Variants in CSGALNACT1 observed in about 807,000 individuals in gnomAD.
The protein encoded by CSGALNACT1 is chondroitin sulfate N-acetylgalactosaminyltransferase 1, also known as beta4GalNAcT-1.
In CSGALNACT1, 52 loss-of-function variants were observed where a neutral mutation model predicts 51.0. That is an observed-to-expected ratio of 1.02 (90% confidence interval 0.82 to 1.29). The LOEUF (loss-of-function observed/expected upper bound fraction) is 1.29. Ranked by LOEUF, CSGALNACT1 falls within the 50% of genes most tolerant of loss-of-function variation. The pLI is 0.00. For missense variants in CSGALNACT1, 935 were observed against 679.2 expected, an observed-to-expected ratio of 1.38 and a Z score of -4.19; for synonymous variants, 341 against 254.4, an observed-to-expected ratio of 1.34 and a Z score of -3.24.
intron 1 of CSGALNACT1, among the ~76,000 whole-genome samples, chr8:19,755,947 C>T (rs1255362324): frequency 6.6e-6 from 1 of 152,120 alleles, no homozygotes; most frequent in Non-Finnish European, 1.5e-5. Context: ...TAGGAATTGA[C>T]CATCTTCCGG....
chr8:19,405,942 C>G (rs1436676956), exon 10 of CSGALNACT1: 10 of 1,614,190 alleles, frequency 6.2e-6, no homozygotes, highest in Non-Finnish European at 8.5e-6. Context: ...CCATGCAGCG[C>G]TTCTCATGCC....
intron 3 of CSGALNACT1, among the ~76,000 whole-genome samples, chr8:19,520,992 C>A (rs937299623): frequency 6.6e-6 from 1 of 152,178 alleles, no homozygotes; most frequent in African/African-American, 2.4e-5. Flanking sequence ...TGAGGAAAAG[C>A]ACTGATAGGT....
chr8:19,573,142 C>T (rs1455427016), intron 3 of CSGALNACT1, among the ~76,000 whole-genome samples: 1 of 152,170 alleles, frequency 6.6e-6, no homozygotes, highest in African/African-American at 2.4e-5. Flanking sequence ...ACTTTGATCT[C>T]AAGACATGAA....
chr8:19,682,940 A>G (rs2060736875), upstream of CSGALNACT1: 2 of 319,282 alleles, frequency 6.3e-6, no homozygotes, highest in Admixed American at 4.0e-5. Flanking sequence ...GTACTTATCC[A>G]TCGCTAGTTC....
At chr8:19,566,505 T>A (rs1461106352) in intron 3 of CSGALNACT1, among the ~76,000 whole-genome samples, 1 of 152,236 alleles carries the variant, frequency 6.6e-6, no homozygotes. Context: ...ACACGCACAC[T>A]TAATGGACTG....
chr8:19,587,638 C>T (rs1180606630), intron 3 of CSGALNACT1, among the ~76,000 whole-genome samples: 1 of 152,142 alleles, frequency 6.6e-6, no homozygotes, highest in African/African-American at 2.4e-5. Context: ...CTATAAGTAC[C>T]TTATTACATA....
At position 19,514,450 on chromosome 8, in the gene CSGALNACT1, G is replaced by C. The variant is rs145039851; in HGVS notation, c.-296-8320C>G. On this transcript the variant is annotated intron_variant, in intron 3 of 9. Coordinates refer to ENST00000454498, the Ensembl canonical transcript of CSGALNACT1. Reference sequence around the variant, plus strand: ...ATTAAACAAAAATAGCACATTTCAGGCATCATATGACTTTTGAACAGAGAC... The same window carrying C: ...ATTAAACAAAAATAGCACATTTCAGCCATCATATGACTTTTGAACAGAGAC... Among the ~76,000 whole-genome samples, 10 of 119,896 alleles carry C rather than the reference G, an allele frequency of 8.3e-5. No homozygotes were observed. The East Asian group carries it at 2.5e-3, about 29-fold the overall frequency. 78.7% of individuals were successfully genotyped at this position (119,896 alleles called of 152,430 possible). A position where few individuals can be genotyped will look rare whatever the true frequency, so the allele number is the denominator to read the frequency against.
At chr8:19,596,872 C>T (rs1166770809) in intron 2 of CSGALNACT1, among the ~76,000 whole-genome samples, 3 of 152,100 alleles carry the variant, frequency 2.0e-5, no homozygotes, top group East Asian at 3.8e-4. Context: ...TTTAAGTATA[C>T]AGTCCAGTAG....
intron 6 of CSGALNACT1, among the ~76,000 whole-genome samples, chr8:19,434,355 G>A: frequency 6.6e-6 from 1 of 152,026 alleles, no homozygotes. Context: ...AGTATAATAA[G>A]TGCCCACATA....
chr8:19,408,644 C>A lies in CSGALNACT1; in HGVS notation c.1278G>T (p.Thr426=), dbSNP rs202161653. 3 of 1,613,726 alleles carry A rather than the reference C, an allele frequency of 1.9e-6. No individual in the cohort carries two copies. The African/African-American group carries it at 4.0e-5, about 22-fold the overall frequency. ...TGATGAAGTCTGACCGATACTGACA[C>A]GTCATCCCAAATCCAAAGTCTCTCC... Residue 426 remains threonine, a synonymous_variant, in exon 9 of 10, where the codon ACG becomes ACT. Coordinates refer to ENST00000454498, the Ensembl canonical transcript of CSGALNACT1.
chr8:19,444,358 T>A (rs2061784714), intron 5 of CSGALNACT1, among the ~76,000 whole-genome samples: 1 of 152,176 alleles, frequency 6.6e-6, no homozygotes, highest in South Asian at 2.1e-4. Context: ...GCCATTCCTG[T>A]TTTGTTTTTT....
At chr8:19,529,000 C>A (rs187928979) in intron 3 of CSGALNACT1, among the ~76,000 whole-genome samples, 1 of 152,044 alleles carries the variant, frequency 6.6e-6, no homozygotes, top group East Asian at 1.9e-4. Flanking sequence ...AACCAAATGG[C>A]GAGTAGATGG....
chr8:19,454,147 C>T (rs776682812), intron 5 of CSGALNACT1, among the ~76,000 whole-genome samples: 1 of 152,178 alleles, frequency 6.6e-6, no homozygotes, highest in African/African-American at 2.4e-5. Context: ...ATTTTAAGCC[C>T]AGCTAAGCTG....
At chr8:19,454,953 G>C (rs572465301) in intron 5 of CSGALNACT1, among the ~76,000 whole-genome samples, 58 of 152,238 alleles carry the variant, frequency 3.8e-4, no homozygotes, top group African/African-American at 1.3e-3. Context: ...ATTTAAGCAA[G>C]ATACATTTTA....
chr8:19,456,921 T>A (rs1454904390), intron 5 of CSGALNACT1, among the ~76,000 whole-genome samples: 2 of 152,190 alleles, frequency 1.3e-5, no homozygotes, highest in Non-Finnish European at 2.9e-5. Context: ...TTATGATGTT[T>A]AAGAAGAAAT....
chr8:19,538,127 G>A (rs1319960865), intron 3 of CSGALNACT1, among the ~76,000 whole-genome samples: 2 of 151,986 alleles, frequency 1.3e-5, no homozygotes, highest in African/African-American at 2.4e-5. Context: ...GATCAGCCTG[G>A]GCAACAAAGC....
intron 4 of CSGALNACT1, among the ~76,000 whole-genome samples, chr8:19,473,054 T>C (rs2068575132): frequency 6.6e-6 from 1 of 152,180 alleles, no homozygotes; most frequent in Admixed American, 6.5e-5. Context: ...AGGTCAGGAC[T>C]CCATAGCAAG....
chr8:19,432,738 G>T (rs2059825419), intron 6 of CSGALNACT1, among the ~76,000 whole-genome samples: 1 of 151,734 alleles, frequency 6.6e-6, no homozygotes, highest in South Asian at 2.1e-4. Flanking sequence ...TTTCGTTTTT[G>T]TTATTGTAGT....
rs527383669 is a variant in CSGALNACT1 at position 19,434,775 on chromosome 8, G to A, written c.953+5055C>T. On this transcript the variant is annotated intron_variant, in intron 6 of 9. Coordinates refer to ENST00000454498, the Ensembl canonical transcript of CSGALNACT1. ...CCGAGACTAATTATCTGCTTGGGAG[G>A]GATCTACTGTGCAGCTTATTTCATT... 5.3e-5 allele frequency among the ~76,000 whole-genome samples: 8 copies of A among 152,010 alleles called. No individual in the cohort carries two copies. The East Asian group carries it at 7.7e-4, about 15-fold the overall frequency.
Sources: allele counts gnomAD v4.1 joint callset (sites outside exome capture counted in the v4.1 genomes callset), GRCh38; gene constraint gnomAD v4.1.1; transcripts MANE v1.5; gene names NCBI Gene and HGNC (gene_info 2026-07-23, HGNC 2026-07-21).